The following SLC2A7 variants were observed in gnomAD, a reference collection of about 807,000 sequenced individuals.
SLC2A7 encodes solute carrier family 2, facilitated glucose transporter member 7.
SLC2A7 carries 50 observed loss-of-function variants against 50.5 expected under a neutral mutation model. The ratio of observed to expected loss-of-function variants is 0.99; its 90% confidence interval spans 0.79 to 1.25. SLC2A7 has a LOEUF of 1.25. SLC2A7 is among the 50% of genes most tolerant of loss of function. The pLI, the probability that SLC2A7 is intolerant of heterozygous loss-of-function variation, is 0.00. For missense variants in SLC2A7, 683 were observed against 679.1 expected (o/e 1.01, Z -0.06); for synonymous variants, 308 against 300.4 (o/e 1.03, Z -0.26).
intron 3 of SLC2A7, among the ~76,000 whole-genome samples, chr1:9,019,637 AG>A (rs1640884312): frequency 6.6e-6 from 1 of 152,160 alleles, no homozygotes; most frequent in African/African-American, 2.4e-5. Context: ...GTGAAGACAC[AG>A]CCAGGCTGGG....
Position 9,008,378 on chromosome 1 carries a change from G to A in SLC2A7, c.1117-993C>T, listed in dbSNP as rs1640689328. On this transcript the variant is annotated intron_variant, in intron 9 of 11. Transcript: ENST00000400906. This position sits in a 1 kb window ranked among gnomAD's most constrained non-coding sequence, Gnocchi z 5.9. ...ATTCAACACTTCAAGCAAAAGCGAGGCTGGCTGGGTTGGTGGGGCCGCCCT... is the reference window on the plus strand; with the variant it reads ...ATTCAACACTTCAAGCAAAAGCGAGACTGGCTGGGTTGGTGGGGCCGCCCT... Among the ~76,000 whole-genome samples, 1 of 152,300 alleles carries A rather than the reference G, an allele frequency of 6.6e-6. No individual in the cohort carries two copies. Among genetic ancestry groups the A allele is most frequent in the East Asian group, 1.9e-4 (1 of 5,168 alleles).
intron 9 of SLC2A7, 72 bp from the exon 10 acceptor site, chr1:9,007,457 C>G: frequency 7.0e-7 from 1 of 1,426,580 alleles, no homozygotes; most frequent in South Asian, 1.2e-5. Flanking sequence ...CCTGCGGGTC[C>G]CACCTTCCTG....
Position 9,017,252 on chromosome 1 carries a change from G to A in SLC2A7, c.589+971C>T, listed in dbSNP as rs60445795. On this transcript the variant is annotated intron_variant, in intron 5 of 11. Transcript: ENST00000400906. ...GGAGAACTGCTTGAACCCGGGAAGC[G>A]GAAGTTGCAGTGAGCTGAGATCGCG... Among the ~76,000 whole-genome samples the A allele has an allele frequency of 2.0e-3, 308 of 152,168 alleles. 1 individual carries two copies. Among genetic ancestry groups the A allele is most frequent in the African/African-American group, 6.9e-3 (286 of 41,498 alleles).
intron 9 of SLC2A7, among the ~76,000 whole-genome samples, chr1:9,009,703 C>T (rs1044834243): frequency 6.6e-5 from 10 of 152,206 alleles, no homozygotes; most frequent in Non-Finnish European, 1.5e-4. Context: ...ATGGGTCCTC[C>T]TGCCTTGGCC....
chr1:9,009,998 G>A (rs1640721640), intron 9 of SLC2A7, 145 bp downstream of exon 9: 1 of 671,616 alleles, frequency 1.5e-6, no homozygotes, highest in East Asian at 2.7e-5. Flanking sequence ...TCAGGATGGG[G>A]CATTGCAAAG....
intron 6 of SLC2A7, 25 bp from the exon 7 acceptor site, chr1:9,014,893 C>T (rs761675328): frequency 6.4e-7 from 1 of 1,562,258 alleles, no homozygotes; most frequent in Non-Finnish European, 8.7e-7. Flanking sequence ...ACCACCCGCT[C>T]AGAGGGCCGT....
At chr1:8,992,865 C>T in the SLC2A7 span, among the ~76,000 whole-genome samples, 2 of 152,152 alleles carry the variant, frequency 1.3e-5, no homozygotes, top group Non-Finnish European at 2.9e-5. Context: ...CCTTGCAGCC[C>T]AGCCACCCAG....
At chr1:9,022,590 T>C (rs1705279) in intron 3 of SLC2A7, among the ~76,000 whole-genome samples, 16 of 152,246 alleles carry the variant, frequency 1.1e-4, no homozygotes, top group African/African-American at 1.7e-4. Flanking sequence ...GAATGAAACC[T>C]GATAAACGAG....
At chr1:8,999,407 C>G (rs1312365782), downstream of SLC2A7, among the ~76,000 whole-genome samples, 3 of 152,178 alleles carry the variant, frequency 2.0e-5, no homozygotes, top group East Asian at 5.8e-4. Flanking sequence ...TCGTAACACC[C>G]CCTTACTATC....
downstream of SLC2A7, among the ~76,000 whole-genome samples, chr1:8,999,204 G>A (rs539000021): frequency 1.3e-5 from 2 of 152,018 alleles, no homozygotes; most frequent in Non-Finnish European, 2.9e-5. Context: ...TAGAGACAGG[G>A]TTTCACCATG....
At chr1:9,025,175 G>T in intron 1 of SLC2A7, 101 bp from the exon 2 acceptor site, 1 of 1,234,310 alleles carries the variant, frequency 8.1e-7, no homozygotes, top group Non-Finnish European at 1.2e-6. Flanking sequence ...GGAAGTGGGG[G>T]ATGGGGGATC....
rs1640690657 is a variant in SLC2A7 at position 9,008,432 on chromosome 1, C to T, written c.1117-1047G>A. Among the ~76,000 whole-genome samples, 1 of 152,158 alleles carries T rather than the reference C, an allele frequency of 6.6e-6. No individual in the cohort carries two copies. The highest frequency in any genetic ancestry group is 2.4e-5 in the African/African-American group (1 of 41,422). ...CCCGGTGTGAAGCGAGCAGCTGCTG[C>T]TGCATTTTCAGGCAGAGCCCCTGGT... On this transcript the variant is annotated intron_variant, in intron 9 of 11. Transcript: ENST00000400906. This position sits in a 1 kb window ranked among gnomAD's most constrained non-coding sequence, Gnocchi z 5.9.
rs1452280053 is a variant in SLC2A7 at position 9,003,303 on chromosome 1, A to G, written c.1536T>C (p.Phe512=). 3 of 1,614,056 alleles carry G rather than the reference A, an allele frequency of 1.9e-6. No individual in the cohort carries two copies. The highest frequency in any genetic ancestry group is 2.5e-6 in the Non-Finnish European group (3 of 1,180,032). Residue 512 remains phenylalanine, a synonymous_variant, in exon 12 of 12, where the codon TTT becomes TTC. Transcript: ENST00000400906. ...PTASPAKETS[F] The stretch of plus-strand genomic sequence containing the variant: ...TCCCGTCCTTCATGCAGGGCCACTA[A>G]AAGGAAGTTTCCTTGGCAGGAGAGG...
At chr1:9,014,402 A>G (rs905760886) in intron 7 of SLC2A7, among the ~76,000 whole-genome samples, 1 of 151,992 alleles carries the variant, frequency 6.6e-6, no homozygotes, top group South Asian at 2.1e-4. Context: ...ACCTCAGCTC[A>G]TCTCAGTCTA....
chr1:9,010,463 A>G (rs1286857179), intron 8 of SLC2A7, among the ~76,000 whole-genome samples: 2 of 151,964 alleles, frequency 1.3e-5, no homozygotes, highest in Admixed American at 6.5e-5. Context: ...GGTTCAAGTG[A>G]TTCTCCTACC....
the SLC2A7 span, among the ~76,000 whole-genome samples, chr1:8,995,494 C>A: frequency 1.1e-4 from 17 of 151,824 alleles, no homozygotes; most frequent in South Asian, 3.5e-3. Flanking sequence ...CTCCTGTAAT[C>A]CCAGCACTTT....
intron 3 of SLC2A7, among the ~76,000 whole-genome samples, chr1:9,020,319 C>T (rs1413634432): frequency 4.6e-5 from 7 of 152,188 alleles, no homozygotes; most frequent in African/African-American, 1.2e-4. Flanking sequence ...AGACTAGACA[C>T]GATGACTGTC....
Position 9,007,329 on chromosome 1 carries a change from C to G in SLC2A7, c.1173G>C (p.Ala391=). The change falls in exon 10 of 12, where the codon GCG becomes GCC. Residue 391 remains alanine, a synonymous_variant. Coordinates refer to ENST00000400906, the MANE Select transcript of SLC2A7 (RefSeq NM_207420.3). The part of the protein sequence containing the change: ...LGIICVFAYI[A]GHSIGPSPVP... Reference sequence around the variant, plus strand: ...ACTCACTGGGCCCAATGGAATGTCCCGCGATGTAGGCAAAGACACAGATGA... The same window carrying G: ...ACTCACTGGGCCCAATGGAATGTCCGGCGATGTAGGCAAAGACACAGATGA... 1 of 1,614,180 alleles carries G rather than the reference C, an allele frequency of 6.2e-7. No individual in the cohort carries two copies. The highest frequency in any genetic ancestry group is 8.5e-7 in the Non-Finnish European group (1 of 1,180,028).
At chr1:9,000,489 C>T (rs538901336), downstream of SLC2A7, among the ~76,000 whole-genome samples, 14 of 151,428 alleles carry the variant, frequency 9.2e-5, 2 homozygotes, top group South Asian at 1.5e-3. Flanking sequence ...TGTGGTGGTG[C>T]GCACCTGTAA....
Sources: allele counts gnomAD v4.1 joint callset (sites outside exome capture counted in the v4.1 genomes callset), GRCh38; gene constraint gnomAD v4.1.1; non-coding constraint Gnocchi (gnomAD v3.1); transcripts MANE v1.5; gene names NCBI Gene and HGNC (gene_info 2026-07-23, HGNC 2026-07-21).